UNC5D: variants seen among roughly 807,000 people sequenced by gnomAD.
UNC5D encodes the protein netrin receptor UNC5D.
A neutral mutation model predicts 105.4 loss-of-function variants in UNC5D; 39 were observed. That is an observed-to-expected ratio of 0.37 (90% CI 0.29 to 0.48). The LOEUF (loss-of-function observed/expected upper bound fraction) is 0.48. Ranked by LOEUF, UNC5D falls within the 20% of genes least tolerant of loss-of-function variation. The pLI, the probability that UNC5D is intolerant of heterozygous loss-of-function variation, is 0.98. For missense variants in UNC5D, 991 were observed against 1,202.4 expected (o/e 0.82, Z 2.60); for synonymous variants, 452 against 450.4 (o/e 1.00, Z -0.04).
intron 1 of UNC5D, among the ~76,000 whole-genome samples, chr8:35,416,293 C>A (rs78668897): frequency 6.6e-6 from 1 of 151,882 alleles, no homozygotes; most frequent in Admixed American, 6.6e-5. Context: ...AAAGGAGAAC[C>A]GGATTTCAGG....
Position 35,493,281 on chromosome 8 carries a change from CAAAAAAAAAA to C in UNC5D, c.104-55997_104-55988del, listed in dbSNP as rs35199794. Among the ~76,000 whole-genome samples, 6 of 67,168 alleles carry C rather than the reference CAAAAAAAAAA, an allele frequency of 8.9e-5. No individual in the cohort carries two copies. In the East Asian group the frequency reaches 2.0e-3, roughly 22 times the overall value. 44.1% of individuals were successfully genotyped at this position (67,168 alleles called of 152,430 possible). A position where few individuals can be genotyped will look rare whatever the true frequency, so the allele number is the denominator to read the frequency against. ...GAGTTGCTTCAGTAAAGTCTGTGAC[CAAAAAAAAAA>C]AAAAAAAAAAAAACACACCAAAAAA... On this transcript the variant is annotated intron_variant, in intron 1 of 16. Coordinates refer to ENST00000404895, the MANE Select transcript of UNC5D (RefSeq NM_080872.4).
intron 1 of UNC5D, chr8:35,525,364 T>A: frequency 1.9e-6 from 3 of 1,612,182 alleles, no homozygotes; most frequent in Non-Finnish European, 2.5e-6. Context: ...ATGACTACGA[T>A]GTTTTTTTCT....
At chr8:35,399,790 G>A (rs1307264680) in intron 1 of UNC5D, among the ~76,000 whole-genome samples, 2 of 152,108 alleles carry the variant, frequency 1.3e-5, no homozygotes, top group African/African-American at 4.8e-5. Flanking sequence ...CTCTTTGCCA[G>A]CAGAGCTATC....
intron 1 of UNC5D, among the ~76,000 whole-genome samples, chr8:35,275,413 T>C (rs1805708982): frequency 6.6e-6 from 1 of 152,140 alleles, no homozygotes; most frequent in South Asian, 2.1e-4. Context: ...TATAAATCAG[T>C]ATCATTGTGA....
intron 1 of UNC5D, among the ~76,000 whole-genome samples, chr8:35,316,230 T>G (rs898286519): frequency 1.4e-4 from 21 of 152,138 alleles, no homozygotes; most frequent in African/African-American, 5.1e-4. Flanking sequence ...GTGAGTTGCT[T>G]GGAAAAATTA....
intron 3 of UNC5D, among the ~76,000 whole-genome samples, chr8:35,594,765 A>C (rs956439431): frequency 6.6e-6 from 1 of 151,994 alleles, no homozygotes. Context: ...GCTGGTTAAC[A>C]CTCAGCCTGG....
chr8:35,239,278 C>G lies in UNC5D; in HGVS notation c.103+3391C>G, dbSNP rs746163081. Among the ~76,000 whole-genome samples the G allele has an allele frequency of 3.2e-4, 49 of 152,268 alleles. 1 individual carries two copies. Among genetic ancestry groups the G allele is most frequent in the Admixed American group, 2.4e-3 (37 of 15,288 alleles). ...TGGAGCTGTGGATCCTTTCTGAGCTCTCTCAGGACTGGATGACTGAATCCG... is the reference window on the plus strand; with the variant it reads ...TGGAGCTGTGGATCCTTTCTGAGCTGTCTCAGGACTGGATGACTGAATCCG... On this transcript the variant is annotated intron_variant, in intron 1 of 16. Coordinates refer to ENST00000404895, the MANE Select transcript of UNC5D (RefSeq NM_080872.4).
At chr8:35,369,621 G>C (rs866703053) in intron 1 of UNC5D, among the ~76,000 whole-genome samples, 1 of 152,176 alleles carries the variant, frequency 6.6e-6, no homozygotes, top group African/African-American at 2.4e-5. Flanking sequence ...TCCATGCGTA[G>C]ATGTGTCCTG....
chr8:35,497,364 GGAGAAAGTGAGGGT>G (rs36230140), intron 1 of UNC5D, among the ~76,000 whole-genome samples: 25,772 of 152,046 alleles, frequency 0.17, 2,939 homozygotes, highest in African/African-American at 0.29. Flanking sequence ...GACAAGACTA[GGAGAAAGTGAGGGT>G]GAGAAAGTGA....
At chr8:35,474,474 G>A (rs534822885) in intron 1 of UNC5D, among the ~76,000 whole-genome samples, 79 of 152,258 alleles carry the variant, frequency 5.2e-4, no homozygotes, top group African/African-American at 1.4e-3. Flanking sequence ...TTTGAGATAC[G>A]ATGTATATGA....
At chr8:35,389,103 C>T (rs1253357342) in intron 1 of UNC5D, among the ~76,000 whole-genome samples, 1 of 152,176 alleles carries the variant, frequency 6.6e-6, no homozygotes, top group Non-Finnish European at 1.5e-5. Flanking sequence ...AGATTCTTCA[C>T]ACTTTTTCCT....
At chr8:35,789,137 CTATATATATATATATATA>C (rs58201859) in intron 16 of UNC5D, among the ~76,000 whole-genome samples, 1,894 of 32,446 alleles carry the variant, frequency 0.058, 82 homozygotes, top group Non-Finnish European at 0.071. Context: ...GGAGAAAAGA[CTATATATATATATATATA>C]TATATATATA....
chr8:35,687,927 G>C (rs1036515591), intron 7 of UNC5D, among the ~76,000 whole-genome samples: 1 of 151,960 alleles, frequency 6.6e-6, no homozygotes, highest in East Asian at 1.9e-4. Context: ...TCAGGTGATC[G>C]AGACCATCCT....
intron 2 of UNC5D, among the ~76,000 whole-genome samples, chr8:35,557,934 C>A (rs1321555037): frequency 6.6e-6 from 1 of 151,936 alleles, no homozygotes; most frequent in Non-Finnish European, 1.5e-5. Context: ...AAGTTCAAGA[C>A]CAGCCTGGTC....
At chr8:35,362,163 G>A (rs1029110079) in intron 1 of UNC5D, among the ~76,000 whole-genome samples, 6 of 152,072 alleles carry the variant, frequency 3.9e-5, no homozygotes, top group African/African-American at 1.4e-4. Context: ...GGATGTGGAG[G>A]AATTTTGCTA....
chr8:35,297,457 G>T (rs1232737904), intron 1 of UNC5D, among the ~76,000 whole-genome samples: 1 of 152,060 alleles, frequency 6.6e-6, no homozygotes, highest in African/African-American at 2.4e-5. Flanking sequence ...GAGTAGCAGA[G>T]GATAGAAATA....
intron 15 of UNC5D, among the ~76,000 whole-genome samples, chr8:35,772,078 A>C (rs1018342354): frequency 2.6e-5 from 4 of 152,194 alleles, no homozygotes; most frequent in African/African-American, 9.6e-5. Context: ...AGTTTTGATG[A>C]ATATTGTTTT....
intron 4 of UNC5D, among the ~76,000 whole-genome samples, chr8:35,666,339 G>A (rs1178977417): frequency 2.0e-5 from 3 of 151,802 alleles, no homozygotes; most frequent in Non-Finnish European, 4.4e-5. Context: ...GGAAAGAAGT[G>A]TCTTCCAAAG....
chr8:35,502,910 TA>T (rs1812062944), intron 1 of UNC5D, among the ~76,000 whole-genome samples: 1 of 152,124 alleles, frequency 6.6e-6, no homozygotes, highest in African/African-American at 2.4e-5. Context: ...ATGATCCTGT[TA>T]TTTTCATTTT....
Sources: gnomAD v4.1 joint callset for allele counts (sites outside exome capture counted in the v4.1 genomes callset) on GRCh38, gnomAD v4.1.1 for gene constraint, MANE v1.5 for transcripts, NCBI Gene and HGNC (gene_info 2026-07-23, HGNC 2026-07-21) for gene names.